STRN3: variants seen among roughly 807,000 people sequenced by gnomAD.
STRN3 encodes the protein striatin 3.
In STRN3, 29 loss-of-function variants were observed where a neutral mutation model predicts 95.6. The ratio of observed to expected loss-of-function variants is 0.30; its 90% CI spans 0.23 to 0.41. The LOEUF is 0.41. STRN3 is among the 10% of genes least tolerant of loss of function. The pLI is 1.00. For synonymous variants in STRN3, 331 were observed against 357.6 expected (o/e 0.93, Z 0.84); for missense variants, 890 against 972.1 (o/e 0.92, Z 1.12).
chr14:30,989,437 A>C (rs1380689696), intron 1 of STRN3, among the ~76,000 whole-genome samples: 1 of 152,022 alleles, frequency 6.6e-6, no homozygotes, highest in African/African-American at 2.4e-5. Flanking sequence ...CAGCAACAAA[A>C]CAGTCATTTA....
intron 8 of STRN3, among the ~76,000 whole-genome samples, chr14:30,919,381 A>C (rs760380227): frequency 1.7e-4 from 25 of 151,472 alleles, no homozygotes; most frequent in Non-Finnish European, 2.4e-4. Context: ...ATATATATAT[A>C]TCTCCACAGA....
intron 1 of STRN3, among the ~76,000 whole-genome samples, chr14:31,003,796 TAAAAAAAAAA>T (rs35951887): frequency 2.6e-5 from 3 of 115,478 alleles, no homozygotes; most frequent in Non-Finnish European, 5.2e-5. Context: ...ACATCTTTCT[TAAAAAAAAAA>T]AAAAAAAAAA....
At chr14:30,972,219 C>T (rs763641395) in intron 1 of STRN3, among the ~76,000 whole-genome samples, 13 of 152,206 alleles carry the variant, frequency 8.5e-5, no homozygotes, top group Non-Finnish European at 1.8e-4. Flanking sequence ...CTCCAATCTA[C>T]GTTCCAATCA....
At chr14:30,942,753 C>T (rs1386932459) in intron 5 of STRN3, among the ~76,000 whole-genome samples, 3 of 152,102 alleles carry the variant, frequency 2.0e-5, no homozygotes, top group Non-Finnish European at 4.4e-5. Context: ...GTGCCACTCA[C>T]TCGATAGCAT....
chr14:30,946,392 A>C (rs1189244494), intron 5 of STRN3, among the ~76,000 whole-genome samples: 1 of 152,032 alleles, frequency 6.6e-6, no homozygotes, highest in African/African-American at 2.4e-5. Flanking sequence ...AAAATAAAAA[A>C]AATTAGCTGG....
At chr14:30,942,233 T>C (rs1318980253) in intron 5 of STRN3, among the ~76,000 whole-genome samples, 1 of 152,182 alleles carries the variant, frequency 6.6e-6, no homozygotes, top group Non-Finnish European at 1.5e-5. Context: ...TGTTGTTCTT[T>C]TGTGTTAATG....
intron 1 of STRN3, among the ~76,000 whole-genome samples, chr14:30,975,664 C>T (rs970347146): frequency 6.6e-6 from 1 of 151,336 alleles, no homozygotes; most frequent in African/African-American, 2.4e-5. Flanking sequence ...TGCATGTCTA[C>T]AAAACTTTTA....
At chr14:30,933,839 T>C in intron 7 of STRN3, among the ~76,000 whole-genome samples, 1 of 152,360 alleles carries the variant, frequency 6.6e-6, no homozygotes, top group South Asian at 2.1e-4. Context: ...TTGATTCATT[T>C]TTTATATCAA....
intron 1 of STRN3, chr14:31,025,212 A>C (rs912444411): frequency 6.6e-6 from 1 of 152,478 alleles, no homozygotes; most frequent in African/African-American, 2.4e-5. Context: ...AGTACTGTAA[A>C]AAGAAAAATT....
chr14:30,894,836 T>G lies in STRN3; in HGVS notation c.*575A>C. ...AAAAAGACTTATAAAAACTAGAATT[T>G]TATCCAAACATTTTGTGCAACTAAT... On this transcript the variant is annotated 3_prime_UTR_variant, in exon 18 of 18. Transcript: ENST00000357479. The G allele has an allele frequency of 4.1e-6, 2 of 490,622 alleles. No homozygotes were observed. The highest frequency in any genetic ancestry group is 6.1e-6 in the Non-Finnish European group (2 of 328,002). 30.4% of individuals were successfully genotyped at this position (490,622 alleles called of 1,614,324 possible). A position where few individuals can be genotyped will look rare whatever the true frequency, so the allele number is the denominator to read the frequency against.
intron 1 of STRN3, among the ~76,000 whole-genome samples, chr14:30,970,428 T>C (rs1333758052): frequency 6.6e-6 from 1 of 152,220 alleles, no homozygotes; most frequent in Non-Finnish European, 1.5e-5. Context: ...CCTAAAACCA[T>C]ACATTCATTT....
At chr14:31,013,898 T>TTG in intron 1 of STRN3, among the ~76,000 whole-genome samples, 3 of 135,038 alleles carry the variant, frequency 2.2e-5, no homozygotes, top group Non-Finnish European at 1.7e-5. Flanking sequence ...TTATTATTAT[T>TTG]ATTATTATTA....
chr14:30,962,223 GAATA>G (rs1321137095), intron 1 of STRN3, among the ~76,000 whole-genome samples: 2 of 152,036 alleles, frequency 1.3e-5, no homozygotes, highest in Non-Finnish European at 2.9e-5. Context: ...AAAGCTAATA[GAATA>G]AAGATAAAAA....
chr14:30,944,841 G>A (rs909880568), intron 5 of STRN3, among the ~76,000 whole-genome samples: 4 of 151,856 alleles, frequency 2.6e-5, no homozygotes, highest in Admixed American at 2.0e-4. Flanking sequence ...TTGAATTCCT[G>A]ATCTCAAGTG....
intron 4 of STRN3, 51 bp downstream of exon 4, chr14:30,950,812 C>T: frequency 1.3e-6 from 2 of 1,516,154 alleles, no homozygotes; most frequent in Non-Finnish European, 1.8e-6. Context: ...TCAGTATAAG[C>T]ACTTTCATAC....
intron 1 of STRN3, among the ~76,000 whole-genome samples, chr14:31,006,614 G>T (rs895986485): frequency 6.6e-6 from 1 of 152,098 alleles, no homozygotes. Flanking sequence ...AGAATCACTT[G>T]AACCTGGGAG....
At chr14:30,905,031 T>C (rs1466622699) in intron 15 of STRN3, among the ~76,000 whole-genome samples, 1 of 151,116 alleles carries the variant, frequency 6.6e-6, no homozygotes, top group African/African-American at 2.4e-5. Flanking sequence ...CTGAGAGACC[T>C]ATCAAACAAC....
intron 9 of STRN3, among the ~76,000 whole-genome samples, chr14:30,914,412 G>A (rs1411395139): frequency 6.6e-6 from 1 of 152,004 alleles, no homozygotes. Flanking sequence ...GAGTGCAGTG[G>A]TGCGATCTCG....
At chr14:31,018,534 AC>A in intron 1 of STRN3, 1 of 432,572 alleles carries the variant, frequency 2.3e-6, no homozygotes, top group Non-Finnish European at 4.6e-6. Flanking sequence ...ATGGTAAAGG[AC>A]ATCCTGGCTG....
Sources: gnomAD v4.1 joint callset for allele counts (sites outside exome capture counted in the v4.1 genomes callset) on GRCh38, gnomAD v4.1.1 for gene constraint, MANE v1.5 for transcripts, NCBI Gene and HGNC (gene_info 2026-07-23, HGNC 2026-07-21) for gene names.